The following DOCK3 variants were observed in gnomAD, a reference collection of about 807,000 sequenced individuals.
DOCK3 encodes dedicator of cytokinesis 3, also known as dedicator of cytokinesis protein 3.
In DOCK3, 60 loss-of-function variants were observed where a neutral mutation model predicts 265.6. The observed-to-expected ratio is 0.23, with a 90% CI of 0.18 to 0.28. The LOEUF is 0.28. Among genes scored for constraint, DOCK3 ranks in the 10% least tolerant of loss-of-function variants. DOCK3 has a pLI of 1.00. For missense variants in DOCK3, 1,981 were observed against 2,594.3 expected (o/e 0.76, Z 5.14); for synonymous variants, 881 against 938.0 (o/e 0.94, Z 1.11).
intron 35 of DOCK3, among the ~76,000 whole-genome samples, chr3:51,336,040 T>C (rs1363620642): frequency 4.0e-5 from 6 of 150,548 alleles, no homozygotes; most frequent in Non-Finnish European, 8.9e-5. Flanking sequence ...GTTGTTGATA[T>C]GACTCAAGGG....
intron 1 of DOCK3, among the ~76,000 whole-genome samples, chr3:50,705,983 A>C (rs535787405): frequency 4.6e-5 from 7 of 152,044 alleles, no homozygotes; most frequent in Non-Finnish European, 7.4e-5. Context: ...GTAAGCCAAG[A>C]TCGTACCACT....
intron 9 of DOCK3, among the ~76,000 whole-genome samples, chr3:51,115,530 G>T (rs968877605): frequency 1.3e-5 from 2 of 152,052 alleles, no homozygotes; most frequent in Non-Finnish European, 2.9e-5. Context: ...GTTCCTTATA[G>T]ATTCCGGATA....
intron 5 of DOCK3, among the ~76,000 whole-genome samples, chr3:51,029,031 C>G (rs928564737): frequency 1.3e-5 from 2 of 152,038 alleles, no homozygotes; most frequent in Non-Finnish European, 2.9e-5. Flanking sequence ...TCTGAGAGAG[C>G]TGATGTTTCT....
intron 14 of DOCK3, among the ~76,000 whole-genome samples, chr3:51,221,075 C>T (rs2090073876): frequency 6.6e-6 from 1 of 152,188 alleles, no homozygotes; most frequent in Non-Finnish European, 1.5e-5. Flanking sequence ...GGATACAGGT[C>T]TTCAGAGGGT....
At chr3:50,915,813 T>C (rs1311187810) in intron 4 of DOCK3, among the ~76,000 whole-genome samples, 2 of 151,942 alleles carry the variant, frequency 1.3e-5, no homozygotes, top group Non-Finnish European at 2.9e-5. Context: ...GTGACCAAGG[T>C]ACCGTGTTTT....
At chr3:51,133,471 C>T (rs1452322384) in intron 9 of DOCK3, among the ~76,000 whole-genome samples, 8 of 152,114 alleles carry the variant, frequency 5.3e-5, no homozygotes, top group East Asian at 1.9e-4. Flanking sequence ...GCTTCATCCA[C>T]GTCCCTACAA....
intron 1 of DOCK3, among the ~76,000 whole-genome samples, chr3:50,722,014 C>T (rs959046650): frequency 3.3e-5 from 5 of 151,970 alleles, no homozygotes; most frequent in Non-Finnish European, 5.9e-5. Context: ...TGGAAATATG[C>T]CAAAAGAAAG....
chr3:51,282,687 GAA>G (rs10585844), intron 27 of DOCK3, among the ~76,000 whole-genome samples: 117,310 of 146,910 alleles, frequency 0.8, 47,553 homozygotes, highest in Middle Eastern at 0.88. Context: ...AAAGAAAAAA[GAA>G]AAAAAACTTC....
At chr3:51,051,130 G>A (rs1320786011) in intron 5 of DOCK3, among the ~76,000 whole-genome samples, 1 of 152,124 alleles carries the variant, frequency 6.6e-6, no homozygotes, top group Non-Finnish European at 1.5e-5. Flanking sequence ...GGTTGGCTTA[G>A]TCAAGAGGGT....
intron 3 of DOCK3, among the ~76,000 whole-genome samples, chr3:50,874,070 T>TTTG (rs1277468543): frequency 1.3e-5 from 2 of 150,526 alleles, no homozygotes; most frequent in African/African-American, 4.9e-5. Context: ...TCTTTTGTTT[T>TTTG]TTTTTTTTTT....
intron 5 of DOCK3, among the ~76,000 whole-genome samples, chr3:51,036,303 A>T (rs1048242331): frequency 1.1e-4 from 16 of 152,162 alleles, no homozygotes; most frequent in African/African-American, 3.6e-4. Flanking sequence ...AGAGAATGGG[A>T]TGAAGTACAG....
At chr3:50,915,337 G>A (rs1575519939) in intron 4 of DOCK3, among the ~76,000 whole-genome samples, 2 of 152,032 alleles carry the variant, frequency 1.3e-5, no homozygotes, top group African/African-American at 4.8e-5. Flanking sequence ...GGGGCAGAAT[G>A]TACCTGCCCC....
At chr3:51,240,311 T>G (rs2078553422) in intron 21 of DOCK3, among the ~76,000 whole-genome samples, 1 of 152,030 alleles carries the variant, frequency 6.6e-6, no homozygotes, top group African/African-American at 2.4e-5. Flanking sequence ...TCTGAGAGAG[T>G]ATGATTTCAG....
In DOCK3 at chr3:51,381,726, A is replaced by G. The variant is rs2088664782; in HGVS notation, c.*167A>G. 2 of 909,806 alleles carry G rather than the reference A, an allele frequency of 2.2e-6. No individual in the cohort carries two copies. The highest frequency in any genetic ancestry group is 1.7e-5 in the African/African-American group (1 of 59,724). The allele number at this position is 909,806 out of a possible 1,614,324, so 56.4% of individuals were successfully genotyped here. Reference sequence around the variant, plus strand: ...TACTGCCGTGAACTCATGTGTTGCCATGTACAGAGGCCACAGCAGCATGAA... The same window carrying G: ...TACTGCCGTGAACTCATGTGTTGCCGTGTACAGAGGCCACAGCAGCATGAA... On this transcript the variant is annotated 3_prime_UTR_variant, in exon 53 of 53. Transcript: ENST00000266037. This position sits in a 1 kb window ranked among gnomAD's most constrained non-coding sequence, Gnocchi z 5.6.
chr3:51,370,920 G>A (rs1207876327), intron 49 of DOCK3, among the ~76,000 whole-genome samples: 2 of 152,190 alleles, frequency 1.3e-5, no homozygotes, highest in Non-Finnish European at 2.9e-5. Flanking sequence ...AGCTTGGGGT[G>A]CGACTGGGGC....
chr3:51,159,890 T>C (rs1020081571), intron 11 of DOCK3, among the ~76,000 whole-genome samples: 4 of 152,230 alleles, frequency 2.6e-5, no homozygotes, highest in Non-Finnish European at 5.9e-5. Flanking sequence ...CAAGTCCTCC[T>C]TCATAGGTTT....
intron 4 of DOCK3, among the ~76,000 whole-genome samples, chr3:50,913,207 G>A (rs13090437): frequency 0.019 from 2,856 of 152,062 alleles, 50 homozygotes; most frequent in Non-Finnish European, 0.027. Flanking sequence ...TCAAGGCTGC[G>A]GGTTTTCTTC....
At chr3:50,800,675 C>G (rs1309659804) in intron 2 of DOCK3, among the ~76,000 whole-genome samples, 1 of 151,686 alleles carries the variant, frequency 6.6e-6, no homozygotes, top group Non-Finnish European at 1.5e-5. Context: ...TATTTCTGTT[C>G]TGGTCATTAT....
Position 51,292,402 on chromosome 3 carries a change from A to G in DOCK3, c.2922+12198A>G, listed in dbSNP as rs143467585. 3.6e-3 allele frequency among the ~76,000 whole-genome samples: 543 copies of G among 152,344 alleles called. 5 individuals are homozygous for G. Among genetic ancestry groups the G allele is most frequent in the Non-Finnish European group, 3.3e-3 (222 of 68,040 alleles). On this transcript the variant is annotated intron_variant, in intron 27 of 52. Transcript: ENST00000266037. Reference sequence around the variant, plus strand: ...AAAACCTGTTAGAACTGAAAAACAGATTCAGTAAAATTGCAGGAGACAACA... The same window carrying G: ...AAAACCTGTTAGAACTGAAAAACAGGTTCAGTAAAATTGCAGGAGACAACA...
Sources: allele counts gnomAD v4.1 joint callset (sites outside exome capture counted in the v4.1 genomes callset), GRCh38; gene constraint gnomAD v4.1.1; non-coding constraint Gnocchi (gnomAD v3.1); transcripts MANE v1.5; gene names NCBI Gene and HGNC (gene_info 2026-07-23, HGNC 2026-07-21).